WDR59: variants seen among roughly 807,000 people sequenced by gnomAD.
The protein encoded by WDR59 is WD repeat domain 59.
Under a neutral mutation model 131.2 loss-of-function variants are expected in WDR59, and 100 were observed. That is an observed-to-expected ratio of 0.76 (90% CI 0.65 to 0.90). The LOEUF is 0.90. Ranked by LOEUF, WDR59 falls within the 40% of genes least tolerant of loss-of-function variation. The pLI, the probability that WDR59 is intolerant of heterozygous loss-of-function variation, is 0.00. For missense variants in WDR59, 1,203 were observed against 1,262.2 expected, an observed-to-expected ratio of 0.95 and a Z score of 0.71; for synonymous variants, 601 against 466.2, an observed-to-expected ratio of 1.29 and a Z score of -3.72.
chr16:74,961,354 T>C (rs2145181039), intron 2 of WDR59, among the ~76,000 whole-genome samples: 1 of 152,234 alleles, frequency 6.6e-6, no homozygotes, highest in South Asian at 2.1e-4. Flanking sequence ...AAGTTCTAGG[T>C]CTTTCAAGAA....
At chr16:74,904,694 C>T (rs1965715829) in intron 17 of WDR59, among the ~76,000 whole-genome samples, 2 of 152,114 alleles carry the variant, frequency 1.3e-5, no homozygotes. Context: ...ATTGAAAGAC[C>T]TAGAACAGCC....
intron 25 of WDR59, among the ~76,000 whole-genome samples, chr16:74,875,339 C>A (rs1033321761): frequency 6.6e-6 from 1 of 152,208 alleles, no homozygotes; most frequent in Non-Finnish European, 1.5e-5. Flanking sequence ...TTGCTTAAGT[C>A]CTCTGACTGC....
chr16:74,972,821 TAAAAAAAAAAAAAA>T (rs57885889), intron 1 of WDR59, among the ~76,000 whole-genome samples: 3 of 55,044 alleles, frequency 5.5e-5, no homozygotes, highest in African/African-American at 1.6e-4. Flanking sequence ...GACTCTGTCT[TAAAAAAAAAAAAAA>T]AAAAAAAAAA....
chr16:74,985,103 C>G lies in WDR59; in HGVS notation c.-86G>C. On this transcript the variant is annotated 5_prime_UTR_variant, in exon 1 of 26. Coordinates refer to ENST00000262144, the MANE Select transcript of WDR59 (RefSeq NM_030581.4). ...TCCCGGGACCGTGCGCCCCACACAGCCAGAGAATCAGCCCCGACACGCCCC... is the reference window on the plus strand; with the variant it reads ...TCCCGGGACCGTGCGCCCCACACAGGCAGAGAATCAGCCCCGACACGCCCC... The G allele has an allele frequency of 7.4e-7, 1 of 1,354,738 alleles. No individual in the cohort carries two copies. Among genetic ancestry groups the G allele is most frequent in the Non-Finnish European group, 1.0e-6 (1 of 972,120 alleles). 83.9% of individuals were successfully genotyped at this position (1,354,738 alleles called of 1,614,324 possible).
intron 1 of WDR59, among the ~76,000 whole-genome samples, chr16:74,980,295 T>C (rs977743539): frequency 2.0e-5 from 3 of 151,978 alleles, no homozygotes; most frequent in Admixed American, 2.0e-4. Flanking sequence ...ATGGCACTTT[T>C]ATAAACTATA....
Position 74,918,467 on chromosome 16 carries a change from T to C in WDR59, c.887-459A>G, listed in dbSNP as rs148689789. ...CTCGAAGAGCTGGAGATGAACATAT[T>C]TTTGCAAAACGGGTTATTTCAAATG... On this transcript the variant is annotated intron_variant, in intron 10 of 25. Coordinates refer to ENST00000262144, the MANE Select transcript of WDR59 (RefSeq NM_030581.4). 5.9e-3 allele frequency among the ~76,000 whole-genome samples: 892 copies of C among 152,340 alleles called. 12 individuals are homozygous for C. Among genetic ancestry groups the C allele is most frequent in the African/African-American group, 0.021 (866 of 41,584 alleles).
chr16:74,957,279 C>G (rs1172143732), intron 2 of WDR59, among the ~76,000 whole-genome samples: 1 of 151,876 alleles, frequency 6.6e-6, no homozygotes, highest in African/African-American at 2.4e-5. Flanking sequence ...CGGAGTTTCA[C>G]CATGTTGGCC....
At chr16:74,881,046 C>T (rs773456606) in intron 25 of WDR59, among the ~76,000 whole-genome samples, 75 of 152,156 alleles carry the variant, frequency 4.9e-4, no homozygotes, top group Non-Finnish European at 8.4e-4. Context: ...GGAAAGCGAT[C>T]GCTTTGCTCT....
At chr16:74,971,767 G>A (rs1265196995) in intron 1 of WDR59, among the ~76,000 whole-genome samples, 5 of 152,142 alleles carry the variant, frequency 3.3e-5, no homozygotes, top group Non-Finnish European at 7.3e-5. Context: ...GCCAAGGCTG[G>A]AGTGCAGTGG....
chr16:74,919,096 A>T (rs2029891390), intron 10 of WDR59, among the ~76,000 whole-genome samples: 1 of 151,836 alleles, frequency 6.6e-6, no homozygotes, highest in South Asian at 2.1e-4. Flanking sequence ...AATTAACTCA[A>T]CCCCTCGACC....
At chr16:74,937,532 C>G (rs981106641) in intron 8 of WDR59, among the ~76,000 whole-genome samples, 4 of 152,144 alleles carry the variant, frequency 2.6e-5, no homozygotes, top group African/African-American at 9.7e-5. Context: ...GGCAGAGGCT[C>G]GCTCGGTCGC....
chr16:74,943,692 C>T (rs1232044608), intron 6 of WDR59, among the ~76,000 whole-genome samples: 3 of 152,186 alleles, frequency 2.0e-5, no homozygotes, highest in Non-Finnish European at 4.4e-5. Flanking sequence ...GACATTACTG[C>T]TGTGACACCT....
At chr16:74,919,190 G>A (rs1242389379) in intron 10 of WDR59, among the ~76,000 whole-genome samples, 2 of 152,134 alleles carry the variant, frequency 1.3e-5, no homozygotes, top group Non-Finnish European at 2.9e-5. Flanking sequence ...AGAGAGGGCA[G>A]CAGCCTCTCC....
intron 10 of WDR59, among the ~76,000 whole-genome samples, chr16:74,920,517 C>T (rs2030101921): frequency 6.6e-6 from 1 of 152,176 alleles, no homozygotes. Flanking sequence ...TCTCCTGCCT[C>T]AGCCTCCGAA....
chr16:74,959,477 C>G, intron 2 of WDR59: 1 of 440,088 alleles, frequency 2.3e-6, no homozygotes, highest in South Asian at 1.6e-5. Flanking sequence ...AGGAAAAAAG[C>G]CTTCATGGTT....
chr16:74,942,845 GAAGA>G lies in WDR59; in HGVS notation c.446-23_446-20del. 6.2e-7 allele frequency: 1 copy of G among 1,611,308 alleles called. No homozygotes were observed. The highest frequency in any genetic ancestry group is 8.5e-7 in the Non-Finnish European group (1 of 1,178,016). ...GCACCCGCTGCAAAGAAAAATCAGGGAAGAAAGCTGCTGCCCTTGGTGCTTTCGG... is the reference window on the plus strand; with the variant it reads ...GCACCCGCTGCAAAGAAAAATCAGGGAAGCTGCTGCCCTTGGTGCTTTCGG... On this transcript the variant is annotated intron_variant, in intron 6 of 25. Coordinates refer to ENST00000262144, the MANE Select transcript of WDR59 (RefSeq NM_030581.4).
chr16:74,911,781 T>C (rs1364498072), intron 14 of WDR59, among the ~76,000 whole-genome samples: 7 of 152,180 alleles, frequency 4.6e-5, no homozygotes, highest in Admixed American at 3.9e-4. Context: ...GTAAATGAAA[T>C]TGGACTGCAG....
chr16:74,922,292 G>C (rs2030321483), intron 9 of WDR59, among the ~76,000 whole-genome samples, 189 bp from the exon 10 acceptor site: 1 of 152,180 alleles, frequency 6.6e-6, no homozygotes. Flanking sequence ...TTTGCTTATG[G>C]AAGGGACCAA....
intron 13 of WDR59, chr16:74,915,443 T>G (rs528560210): frequency 6.6e-6 from 1 of 152,374 alleles, no homozygotes; most frequent in African/African-American, 2.4e-5. Context: ...TTATTTATTT[T>G]TTTTGAGACA....
Sources: gnomAD v4.1 joint callset for allele counts (sites outside exome capture counted in the v4.1 genomes callset) on GRCh38, gnomAD v4.1.1 for gene constraint, MANE v1.5 for transcripts, NCBI Gene and HGNC (gene_info 2026-07-23, HGNC 2026-07-21) for gene names.